ZFAND3: variants seen among roughly 807,000 people sequenced by gnomAD.
ZFAND3 encodes the protein AN1-type zinc finger protein 3.
ZFAND3 carries 10 observed loss-of-function variants against 29.6 expected under a neutral mutation model. The observed-to-expected ratio is 0.34, with a 90% CI of 0.21 to 0.57. The LOEUF (loss-of-function observed/expected upper bound fraction) is 0.57. ZFAND3 is among the 20% of genes least tolerant of loss of function. ZFAND3 has a pLI of 0.86. For missense variants in ZFAND3, 230 were observed against 304.5 expected, an observed-to-expected ratio of 0.76 and a Z score of 1.82; for synonymous variants, 128 against 112.6, an observed-to-expected ratio of 1.14 and a Z score of -0.87.
intron 4 of ZFAND3, among the ~76,000 whole-genome samples, chr6:38,102,376 TTTACTTG>T (rs1765112834): frequency 6.6e-6 from 1 of 152,170 alleles, no homozygotes; most frequent in South Asian, 2.1e-4. Flanking sequence ...ATTCAGAAAA[TTTACTTG>T]AATTAGTGTC....
intron 2 of ZFAND3, among the ~76,000 whole-genome samples, chr6:38,014,439 G>A (rs557859064): frequency 1.1e-4 from 17 of 151,912 alleles, no homozygotes; most frequent in African/African-American, 4.1e-4. Flanking sequence ...CGATTCTCCC[G>A]CCTCAGCCTC....
At chr6:37,986,007 T>C (rs2127434135) in intron 2 of ZFAND3, among the ~76,000 whole-genome samples, 1 of 152,286 alleles carries the variant, frequency 6.6e-6, no homozygotes, top group African/African-American at 2.4e-5. Flanking sequence ...GATAACCAGC[T>C]CTCTCAGGGA....
chr6:37,999,032 T>A (rs763857849), intron 2 of ZFAND3, among the ~76,000 whole-genome samples: 1 of 152,128 alleles, frequency 6.6e-6, no homozygotes, highest in Non-Finnish European at 1.5e-5. Context: ...CAACCAGGGC[T>A]CTTGGAGAAG....
At chr6:38,004,645 T>G (rs1290721265) in intron 2 of ZFAND3, among the ~76,000 whole-genome samples, 1 of 152,192 alleles carries the variant, frequency 6.6e-6, no homozygotes, top group Non-Finnish European at 1.5e-5. Flanking sequence ...ATTTTCTAAA[T>G]TTTCAATAAT....
chr6:37,829,887 G>A (rs921334899), intron 1 of ZFAND3, among the ~76,000 whole-genome samples: 2 of 152,216 alleles, frequency 1.3e-5, no homozygotes, highest in Admixed American at 6.5e-5. Flanking sequence ...AATCTTGAGT[G>A]AAAATGTGTG....
At chr6:38,069,434 A>G (rs1764409373) in intron 3 of ZFAND3, among the ~76,000 whole-genome samples, 1 of 152,230 alleles carries the variant, frequency 6.6e-6, no homozygotes, top group Non-Finnish European at 1.5e-5. Flanking sequence ...TTTTTCCGAT[A>G]TATAATAGTC....
chr6:37,971,501 C>T (rs1317521248), intron 2 of ZFAND3, among the ~76,000 whole-genome samples: 1 of 152,166 alleles, frequency 6.6e-6, no homozygotes, highest in African/African-American at 2.4e-5. Flanking sequence ...TCTACAATGA[C>T]TGAATCTACT....
intron 5 of ZFAND3, among the ~76,000 whole-genome samples, chr6:38,121,293 T>TGAA (rs1562007110): frequency 6.6e-6 from 1 of 152,192 alleles, no homozygotes; most frequent in African/African-American, 2.4e-5. Flanking sequence ...GGAGGATGGC[T>TGAA]TTCAGCCCAG....
chr6:37,916,452 G>A (rs1319562554), intron 1 of ZFAND3, among the ~76,000 whole-genome samples: 1 of 152,046 alleles, frequency 6.6e-6, no homozygotes, highest in East Asian at 1.9e-4. Flanking sequence ...GAGGTCAGGA[G>A]ATCAAGACCA....
At chr6:38,106,672 G>A (rs940700429) in intron 4 of ZFAND3, among the ~76,000 whole-genome samples, 31 of 151,930 alleles carry the variant, frequency 2.0e-4, no homozygotes, top group Middle Eastern at 3.4e-3. Flanking sequence ...TTAGTATGGC[G>A]CTAGTTGTTT....
At chr6:38,026,421 A>ATTTTTTTTTT (rs10715149) in intron 2 of ZFAND3, among the ~76,000 whole-genome samples, 4 of 74,834 alleles carry the variant, frequency 5.3e-5, no homozygotes, top group Non-Finnish European at 9.4e-5. Flanking sequence ...TTACTTTAGG[A>ATTTTTTTTTT]TTTTTTTTTT....
rs71569400 is a variant in ZFAND3, at chr6:38,004,562, C to T, written c.113-57031C>T. ...ACACACACACACACACACACACACA[C>T]GAATGAATAAGTAGGTCTTCAGATT... On this transcript the variant is annotated intron_variant, in intron 2 of 5. Coordinates refer to ENST00000287218, the MANE Select transcript of ZFAND3 (RefSeq NM_021943.3). Among the ~76,000 whole-genome samples, 5 of 135,034 alleles carry T rather than the reference C, an allele frequency of 3.7e-5. No individual in the cohort carries two copies. The South Asian group carries it at 7.4e-4, about 20-fold the overall frequency. The allele number at this position is 135,034 out of a possible 152,430, so 88.6% of individuals were successfully genotyped here.
In ZFAND3 at chr6:37,963,530, A is replaced by G. The variant is rs1459293840; in HGVS notation, c.112+33531A>G. Among the ~76,000 whole-genome samples the G allele has an allele frequency of 2.6e-5, 4 of 152,274 alleles. No homozygotes were observed. The East Asian group carries it at 7.7e-4, about 29-fold the overall frequency. Reference sequence around the variant, plus strand: ...AGATGAGAAATAATACAAGAAATCAATGAAACAAACAGTTGGCTGTTTAAA... The same window carrying G: ...AGATGAGAAATAATACAAGAAATCAGTGAAACAAACAGTTGGCTGTTTAAA... On this transcript the variant is annotated intron_variant, in intron 2 of 5. Transcript: ENST00000287218.
At chr6:37,822,886 G>A (rs554647686) in intron 1 of ZFAND3, among the ~76,000 whole-genome samples, 81 of 152,250 alleles carry the variant, frequency 5.3e-4, no homozygotes, top group African/African-American at 1.9e-3. Flanking sequence ...CTAGAGATAA[G>A]GGGGTCTGTT....
At chr6:37,905,293 A>G (rs1273706486) in intron 1 of ZFAND3, among the ~76,000 whole-genome samples, 1 of 152,150 alleles carries the variant, frequency 6.6e-6, no homozygotes, top group African/African-American at 2.4e-5. Flanking sequence ...CATTGACCCA[A>G]CGATTTTCAT....
intron 2 of ZFAND3, among the ~76,000 whole-genome samples, chr6:37,997,145 A>G (rs368676613): frequency 2.0e-5 from 3 of 152,324 alleles, no homozygotes; most frequent in African/African-American, 7.2e-5. Context: ...TGCATTATCC[A>G]GTCATTTTGC....
intron 2 of ZFAND3, among the ~76,000 whole-genome samples, chr6:38,045,366 G>C (rs890602894): frequency 6.6e-6 from 1 of 152,128 alleles, no homozygotes; most frequent in African/African-American, 2.4e-5. Context: ...TGGGATTGCA[G>C]ATTTGAGCCA....
chr6:37,900,717 T>C (rs533165508), intron 1 of ZFAND3, among the ~76,000 whole-genome samples: 1 of 152,292 alleles, frequency 6.6e-6, no homozygotes, highest in African/African-American at 2.4e-5. Flanking sequence ...TATGGAAATA[T>C]ATCAGTAAAG....
At chr6:37,992,476 G>A (rs1343835833) in intron 2 of ZFAND3, among the ~76,000 whole-genome samples, 1 of 152,118 alleles carries the variant, frequency 6.6e-6, no homozygotes, top group East Asian at 1.9e-4. Flanking sequence ...AGACTGAGCA[G>A]TTACTTGCAT....
Sources: allele counts gnomAD v4.1 joint callset (sites outside exome capture counted in the v4.1 genomes callset), GRCh38; gene constraint gnomAD v4.1.1; transcripts MANE v1.5; gene names NCBI Gene and HGNC (gene_info 2026-07-23, HGNC 2026-07-21).